Variants in ADGRA3 observed in about 807,000 individuals in gnomAD.
ADGRA3 encodes the protein adhesion G protein-coupled receptor A3.
Under a neutral mutation model 119.8 loss-of-function variants are expected in ADGRA3, and 56 were observed. The observed-to-expected ratio is 0.47, with a 90% confidence interval of 0.38 to 0.58. The LOEUF is 0.58. ADGRA3 is among the 20% of genes least tolerant of loss of function. The pLI is 0.00. For missense variants in ADGRA3, 1,516 were observed against 1,649.0 expected (o/e 0.92, Z 1.40); for synonymous variants, 607 against 623.8 (o/e 0.97, Z 0.40).
intron 3 of ADGRA3, among the ~76,000 whole-genome samples, chr4:22,460,989 G>A (rs541839313): frequency 6.6e-6 from 1 of 152,330 alleles, no homozygotes; most frequent in Admixed American, 6.5e-5. Context: ...GCTTCGTATA[G>A]GAGATAGGGG....
chr4:22,501,877 G>A (rs1437528633), intron 1 of ADGRA3, among the ~76,000 whole-genome samples: 2 of 151,538 alleles, frequency 1.3e-5, no homozygotes, highest in Non-Finnish European at 2.9e-5. Context: ...CTAAGCTGAT[G>A]GACAAGTTTT....
At chr4:22,447,752 A>G (rs1716883677) in intron 4 of ADGRA3, among the ~76,000 whole-genome samples, 1 of 152,208 alleles carries the variant, frequency 6.6e-6, no homozygotes, top group Non-Finnish European at 1.5e-5. Flanking sequence ...AAGCTAGATA[A>G]GAATTTTTCT....
chr4:22,450,087 A>G (rs773779794), intron 4 of ADGRA3, among the ~76,000 whole-genome samples: 5 of 152,270 alleles, frequency 3.3e-5, no homozygotes, highest in Middle Eastern at 3.4e-3. Flanking sequence ...GCAATGACAC[A>G]TATTTTACAA....
Position 22,463,510 on chromosome 4 carries a change from C to A in ADGRA3, c.330-1702G>T, listed in dbSNP as rs139056966. On this transcript the variant is annotated intron_variant, in intron 2 of 18. Transcript: ENST00000334304. ...TTTGCCTTCTCCATCCTCTCCAAAT[C>A]AGAAAGCAGCGGGCATCCCTTCTCT... 1.8e-4 allele frequency among the ~76,000 whole-genome samples: 27 copies of A among 152,312 alleles called. No homozygotes were observed. The East Asian group carries it at 5.0e-3, about 28-fold the overall frequency.
chr4:22,409,758 TG>T (rs1715112845), intron 14 of ADGRA3, among the ~76,000 whole-genome samples: 3 of 152,144 alleles, frequency 2.0e-5, no homozygotes, highest in Non-Finnish European at 2.9e-5. Context: ...TTTAGAACAG[TG>T]TGTGTAGTAT....
At chr4:22,475,889 T>G (rs2109125362) in intron 1 of ADGRA3, among the ~76,000 whole-genome samples, 1 of 152,210 alleles carries the variant, frequency 6.6e-6, no homozygotes, top group East Asian at 1.9e-4. Context: ...ACCTTATTCA[T>G]GTAACCAAAC....
intron 14 of ADGRA3, among the ~76,000 whole-genome samples, chr4:22,410,129 CTAG>C (rs934517945): frequency 9.3e-5 from 14 of 150,608 alleles, no homozygotes; most frequent in African/African-American, 3.2e-4. Flanking sequence ...AAAAGAATCA[CTAG>C]AAAAAGAAAA....
At chr4:22,431,002 C>A (rs1716144104) in intron 10 of ADGRA3, among the ~76,000 whole-genome samples, 1 of 152,154 alleles carries the variant, frequency 6.6e-6, no homozygotes, top group Non-Finnish European at 1.5e-5. Context: ...TGTGGGTGCA[C>A]AGAAGTCAAG....
intron 1 of ADGRA3, among the ~76,000 whole-genome samples, chr4:22,488,827 G>A (rs1220391214): frequency 1.3e-5 from 2 of 152,086 alleles, no homozygotes; most frequent in Non-Finnish European, 2.9e-5. Context: ...AAATCATGAA[G>A]ACTCCTACAG....
At chr4:22,436,384 G>T in intron 9 of ADGRA3, 56 bp downstream of exon 9, 3 of 1,373,124 alleles carry the variant, frequency 2.2e-6, no homozygotes, top group Non-Finnish European at 2.0e-6. Flanking sequence ...TATGTATTTG[G>T]TTTGAATACC....
At chr4:22,414,572 C>G (rs13106386) in intron 12 of ADGRA3, 495,849 of 694,328 alleles carry the variant, frequency 0.71, 181,432 homozygotes, top group Non-Finnish European at 0.77. Flanking sequence ...CTTCTAACCT[C>G]TCTTCTTCTA....
chr4:22,463,282 C>T (rs971691777), intron 2 of ADGRA3, among the ~76,000 whole-genome samples: 1 of 152,194 alleles, frequency 6.6e-6, no homozygotes, highest in East Asian at 1.9e-4. Context: ...ATGCTCAGTA[C>T]AAGCCAAAGT....
intron 16 of ADGRA3, among the ~76,000 whole-genome samples, chr4:22,400,877 T>C (rs1299331851): frequency 2.0e-5 from 3 of 152,138 alleles, no homozygotes; most frequent in African/African-American, 7.2e-5. Flanking sequence ...AGAAATAAAA[T>C]GTTACGTATT....
chr4:22,464,542 C>T (rs1020173207), intron 2 of ADGRA3, among the ~76,000 whole-genome samples: 1 of 152,196 alleles, frequency 6.6e-6, no homozygotes, highest in East Asian at 1.9e-4. Context: ...AAGTTCCCTG[C>T]TGTGAATGCC....
chr4:22,413,086 A>C (rs533110107), intron 14 of ADGRA3, 96 bp downstream of exon 14: 12 of 948,182 alleles, frequency 1.3e-5, no homozygotes, highest in Admixed American at 9.1e-5. Flanking sequence ...AAAAAAAAAA[A>C]AAAAACAAAA....
intron 14 of ADGRA3, among the ~76,000 whole-genome samples, chr4:22,412,572 C>A (rs1715250415): frequency 6.6e-6 from 1 of 151,994 alleles, no homozygotes; most frequent in African/African-American, 2.4e-5. Flanking sequence ...ATCCAAAATC[C>A]AAAACATTTT....
intron 2 of ADGRA3, among the ~76,000 whole-genome samples, chr4:22,472,261 A>G (rs1459008763): frequency 6.6e-6 from 1 of 152,304 alleles, no homozygotes; most frequent in Admixed American, 6.5e-5. Context: ...ACATAATAGG[A>G]ATGTACTGTC....
chr4:22,392,705 A>G lies in ADGRA3; in HGVS notation c.2482-15T>C, dbSNP rs750618855. The G allele has an allele frequency of 6.3e-7, 1 of 1,596,210 alleles. No individual in the cohort carries two copies. The highest frequency in any genetic ancestry group is 1.4e-5 in the African/African-American group (1 of 73,460). On this transcript the variant is annotated splice_polypyrimidine_tract_variant and intron_variant, in intron 16 of 18. Transcript: ENST00000334304. Reference sequence around the variant, plus strand: ...ATTATCCCAACCTACAAGGAAGATCAAAGAATAAATAAAAGAAAAAAAATG... The same window carrying G: ...ATTATCCCAACCTACAAGGAAGATCGAAGAATAAATAAAAGAAAAAAAATG...
intron 10 of ADGRA3, among the ~76,000 whole-genome samples, chr4:22,433,637 A>T (rs527806282): frequency 1.3e-5 from 2 of 152,320 alleles, no homozygotes; most frequent in East Asian, 3.9e-4. Context: ...GAGGTGAGCA[A>T]AACAGGTTCA....
Sources: allele counts gnomAD v4.1 joint callset (sites outside exome capture counted in the v4.1 genomes callset), GRCh38; gene constraint gnomAD v4.1.1; transcripts MANE v1.5; gene names NCBI Gene and HGNC (gene_info 2026-07-23, HGNC 2026-07-21).